SPAG16: variants seen among roughly 807,000 people sequenced by gnomAD.
SPAG16 encodes the protein sperm-associated antigen 16 protein.
A neutral mutation model predicts 80.4 loss-of-function variants in SPAG16; 86 were observed. That is an observed-to-expected ratio of 1.07 (90% CI 0.90 to 1.28). The LOEUF is 1.28. Among genes scored for constraint, SPAG16 ranks in the 50% most tolerant of loss-of-function variants. The probability of loss-of-function intolerance (pLI) is 0.00; values close to 1 mark genes in which losing one functional copy is unlikely to be tolerated. For synonymous variants in SPAG16, 294 were observed against 265.9 expected (o/e 1.11, Z -1.03); for missense variants, 870 against 765.3 (o/e 1.14, Z -1.61).
intron 11 of SPAG16, among the ~76,000 whole-genome samples, chr2:213,873,839 T>C (rs1045692192): frequency 6.6e-6 from 1 of 152,098 alleles, no homozygotes; most frequent in African/African-American, 2.4e-5. Flanking sequence ...TTAGGCAATT[T>C]CATCACTATG....
chr2:213,470,966 A>C (rs1017476323), intron 9 of SPAG16, among the ~76,000 whole-genome samples: 8 of 152,250 alleles, frequency 5.3e-5, no homozygotes, highest in Non-Finnish European at 1.0e-4. Flanking sequence ...CATTGGCTAC[A>C]GTTCACGAAT....
intron 15 of SPAG16, among the ~76,000 whole-genome samples, chr2:214,394,888 T>C (rs552852619): frequency 6.6e-6 from 1 of 152,224 alleles, no homozygotes; most frequent in Non-Finnish European, 1.5e-5. Context: ...CCACAACTCC[T>C]GGCAGCCACA....
chr2:213,533,600 T>A (rs978844129), intron 10 of SPAG16, among the ~76,000 whole-genome samples: 1 of 152,194 alleles, frequency 6.6e-6, no homozygotes, highest in Non-Finnish European at 1.5e-5. Flanking sequence ...TGCCAATTTT[T>A]CTGTCTTTGA....
intron 9 of SPAG16, among the ~76,000 whole-genome samples, chr2:213,486,387 A>C (rs1052660543): frequency 3.3e-5 from 5 of 152,118 alleles, no homozygotes; most frequent in African/African-American, 2.4e-5. Flanking sequence ...TCTCATGTTT[A>C]TTGCAGCACT....
At chr2:214,395,171 C>G (rs1701296193) in intron 15 of SPAG16, among the ~76,000 whole-genome samples, 1 of 152,156 alleles carries the variant, frequency 6.6e-6, no homozygotes. Flanking sequence ...TATAAACATT[C>G]TTGTACAAGT....
chr2:214,166,579 T>C lies in SPAG16; in HGVS notation c.1720+17313T>C, dbSNP rs113065625. 2.3e-4 allele frequency among the ~76,000 whole-genome samples: 35 copies of C among 151,346 alleles called. 1 individual carries two copies. The highest frequency in any genetic ancestry group is 8.4e-4 in the African/African-American group (34 of 40,660). On this transcript the variant is annotated intron_variant, in intron 15 of 15. Transcript: ENST00000331683. Reference sequence around the variant, plus strand: ...AACTCTTCACTGCTTCTAATTTACATATGTATTTCCTTAATTTATTCCTCT... The same window carrying C: ...AACTCTTCACTGCTTCTAATTTACACATGTATTTCCTTAATTTATTCCTCT...
intron 9 of SPAG16, among the ~76,000 whole-genome samples, chr2:213,487,844 T>C (rs771420263): frequency 6.6e-6 from 1 of 152,076 alleles, no homozygotes; most frequent in Non-Finnish European, 1.5e-5. Context: ...TAATTTACCC[T>C]TCCCCTATTT....
chr2:213,673,282 T>C lies in SPAG16; in HGVS notation c.1070+183192T>C, dbSNP rs924541287. 2.6e-5 allele frequency among the ~76,000 whole-genome samples: 4 copies of C among 152,268 alleles called. No individual in the cohort carries two copies. The East Asian group carries it at 5.8e-4, about 22-fold the overall frequency. ...AATTAATATTTCTAGAAATAAAACATCTAAAAAATGGTTTATAAAAAGTCA... is the reference window on the plus strand; with the variant it reads ...AATTAATATTTCTAGAAATAAAACACCTAAAAAATGGTTTATAAAAAGTCA... On this transcript the variant is annotated intron_variant, in intron 10 of 15. Transcript: ENST00000331683.
At chr2:214,221,199 T>A (rs1048318549) in intron 15 of SPAG16, among the ~76,000 whole-genome samples, 1 of 152,164 alleles carries the variant, frequency 6.6e-6, no homozygotes, top group Non-Finnish European at 1.5e-5. Context: ...ACTACAAAAG[T>A]TTTTCACTCT....
intron 15 of SPAG16, among the ~76,000 whole-genome samples, chr2:214,279,129 G>A (rs182892554): frequency 2.2e-5 from 3 of 137,366 alleles, no homozygotes; most frequent in East Asian, 2.1e-4. Context: ...TTTGAGTCTC[G>A]CTCTGTCTTC....
intron 10 of SPAG16, among the ~76,000 whole-genome samples, chr2:213,817,256 G>GATATATATATAT (rs549146369): frequency 1.3e-4 from 18 of 140,858 alleles, no homozygotes; most frequent in African/African-American, 4.4e-4. Context: ...TTATATATAT[G>GATATATATATAT]ATATATATAT....
chr2:214,316,598 G>A (rs1201732462), intron 15 of SPAG16, among the ~76,000 whole-genome samples: 2 of 151,952 alleles, frequency 1.3e-5, no homozygotes, highest in Non-Finnish European at 2.9e-5. Context: ...CACCTTTTCA[G>A]GCTCTGAGAT....
chr2:213,742,511 A>G (rs2067600443), intron 10 of SPAG16, among the ~76,000 whole-genome samples: 2 of 151,580 alleles, frequency 1.3e-5, no homozygotes, highest in Non-Finnish European at 2.9e-5. Flanking sequence ...CTCTACAGGT[A>G]CACTCTTGAT....
chr2:214,410,323 C>A lies in SPAG16; in HGVS notation c.*8C>A. The stretch of plus-strand genomic sequence containing the variant: ...GTTCGAACGTGGTCTTGACCGTCAG[C>A]ACATCCCGCTGCAGAGGGCATTCCC... On this transcript the variant is annotated 3_prime_UTR_variant, in exon 16 of 16. Coordinates refer to ENST00000331683, the MANE Select transcript of SPAG16 (RefSeq NM_024532.5). The A allele has an allele frequency of 6.3e-7, 1 of 1,585,562 alleles. No homozygotes were observed. Among genetic ancestry groups the A allele is most frequent in the South Asian group, 1.1e-5 (1 of 89,460 alleles).
At chr2:213,370,806 A>G (rs940622452) in intron 8 of SPAG16, among the ~76,000 whole-genome samples, 13 of 152,228 alleles carry the variant, frequency 8.5e-5, no homozygotes, top group Non-Finnish European at 5.9e-5. Context: ...AGTGATGTTT[A>G]CAATGTACTT....
At chr2:213,535,385 T>C (rs1176511378) in intron 10 of SPAG16, among the ~76,000 whole-genome samples, 2 of 152,108 alleles carry the variant, frequency 1.3e-5, no homozygotes, top group African/African-American at 2.4e-5. Flanking sequence ...GTAGACACAA[T>C]GGGAAATATA....
chr2:213,497,486 T>C (rs2074544962), intron 10 of SPAG16, among the ~76,000 whole-genome samples: 1 of 151,870 alleles, frequency 6.6e-6, no homozygotes, highest in Non-Finnish European at 1.5e-5. Flanking sequence ...GCCAAAATTA[T>C]GGAAAGGCTT....
intron 10 of SPAG16, among the ~76,000 whole-genome samples, chr2:213,709,198 A>G (rs1172252517): frequency 6.6e-6 from 1 of 152,228 alleles, no homozygotes; most frequent in Admixed American, 6.5e-5. Context: ...GCCCTCTTGC[A>G]TATTGGCAAA....
intron 13 of SPAG16, among the ~76,000 whole-genome samples, chr2:214,063,770 C>G (rs1011921904): frequency 6.6e-6 from 1 of 152,122 alleles, no homozygotes. Context: ...TCACCATTTC[C>G]ATGAGGCCAT....
Sources: allele counts gnomAD v4.1 joint callset (sites outside exome capture counted in the v4.1 genomes callset), GRCh38; gene constraint gnomAD v4.1.1; transcripts MANE v1.5; gene names NCBI Gene and HGNC (gene_info 2026-07-23, HGNC 2026-07-21).